Variants in TRMT1L observed in about 807,000 individuals in gnomAD.
TRMT1L encodes tRNA (guanine(27)-N(2))-dimethyltransferase.
TRMT1L carries 28 observed loss-of-function variants against 81.6 expected under a neutral mutation model. The ratio of observed to expected loss-of-function variants is 0.34; its 90% confidence interval spans 0.25 to 0.47. The LOEUF (loss-of-function observed/expected upper bound fraction) is 0.47. Among genes scored for constraint, TRMT1L ranks in the 20% least tolerant of loss-of-function variants. The probability of loss-of-function intolerance (pLI) is 1.00; values close to 1 mark genes in which losing one functional copy is unlikely to be tolerated. For synonymous variants in TRMT1L, 301 were observed against 303.2 expected (o/e 0.99, Z 0.07); for missense variants, 739 against 877.1 (o/e 0.84, Z 1.99).
intron 10 of TRMT1L, among the ~76,000 whole-genome samples, chr1:185,134,955 T>A (rs1305342342): frequency 6.6e-6 from 1 of 152,230 alleles, no homozygotes; most frequent in Admixed American, 6.5e-5. Context: ...TTACATATTC[T>A]AATAACATAG....
chr1:185,131,161 G>A (rs530238529), intron 10 of TRMT1L, among the ~76,000 whole-genome samples: 5 of 151,840 alleles, frequency 3.3e-5, no homozygotes, highest in East Asian at 1.9e-4. Context: ...CACCACGCCC[G>A]GCTAATTTTT....
intron 11 of TRMT1L, 48 bp downstream of exon 11, chr1:185,128,621 T>A (rs1157703010): frequency 1.3e-6 from 2 of 1,533,680 alleles, no homozygotes; most frequent in Non-Finnish European, 1.8e-6. Flanking sequence ...AATTAATAAA[T>A]CAATCAATAC....
chr1:185,148,087 C>T (rs1653236422), intron 3 of TRMT1L, among the ~76,000 whole-genome samples: 2 of 152,140 alleles, frequency 1.3e-5, no homozygotes. Context: ...TGCTGAAGTG[C>T]TCCAAGATTT....
intron 13 of TRMT1L, among the ~76,000 whole-genome samples, chr1:185,121,767 T>C (rs1652505103): frequency 6.6e-6 from 1 of 152,026 alleles, no homozygotes; most frequent in Non-Finnish European, 1.5e-5. Context: ...GGCCTGGTAA[T>C]TTCTTCTTTT....
chr1:185,120,546 A>G (rs1652474215), intron 13 of TRMT1L, 37 bp from the exon 14 acceptor site: 1 of 1,489,946 alleles, frequency 6.7e-7, no homozygotes, highest in Non-Finnish European at 8.9e-7. Flanking sequence ...ATGCTCTTAA[A>G]AATTACAAGC....
intron 13 of TRMT1L, chr1:185,120,750 C>T (rs1274701175): frequency 3.5e-6 from 1 of 282,128 alleles, no homozygotes; most frequent in Admixed American, 5.0e-5. Context: ...TATTTCGTCT[C>T]CTGTAGGAAG....
At chr1:185,128,787 G>T in intron 10 of TRMT1L, 40 bp from the exon 11 acceptor site, 2 of 1,496,324 alleles carry the variant, frequency 1.3e-6, no homozygotes, top group South Asian at 2.3e-5. Context: ...AAGGAGAAAT[G>T]ACTAATACAA....
Position 185,149,534 on chromosome 1 carries a change from C to T in TRMT1L, c.460+845G>A, listed in dbSNP as rs935272235. Among the ~76,000 whole-genome samples the T allele has an allele frequency of 4.0e-5, 6 of 151,838 alleles. No homozygotes were observed. The East Asian group carries it at 1.2e-3, about 29-fold the overall frequency. ...GCTCAGGCTGGTCTTGAACTCATGG[C>T]CTCAAGTGATCTTCCTGCCTCAGCT... is the stretch of plus-strand genomic sequence containing the variant. On this transcript the variant is annotated intron_variant, in intron 3 of 14. Coordinates refer to ENST00000367506, the MANE Select transcript of TRMT1L (RefSeq NM_030934.5).
intron 10 of TRMT1L, among the ~76,000 whole-genome samples, chr1:185,130,301 A>T (rs764509105): frequency 1.3e-5 from 2 of 152,242 alleles, no homozygotes; most frequent in Non-Finnish European, 2.9e-5. Context: ...TAAATGCAAC[A>T]GATTAAACAT....
At chr1:185,120,298 T>A in intron 14 of TRMT1L, 27 bp from the exon 15 acceptor site, 1 of 1,504,352 alleles carries the variant, frequency 6.6e-7, no homozygotes. Flanking sequence ...AAAGAAAAAA[T>A]AATCAGGTTC....
intron 2 of TRMT1L, among the ~76,000 whole-genome samples, chr1:185,151,613 A>T (rs1257012247): frequency 6.6e-6 from 1 of 152,204 alleles, no homozygotes; most frequent in Non-Finnish European, 1.5e-5. Flanking sequence ...CCGTGAAATT[A>T]TAATTTTCTT....
At chr1:185,125,714 T>C (rs1311674640) in intron 11 of TRMT1L, among the ~76,000 whole-genome samples, 1 of 152,218 alleles carries the variant, frequency 6.6e-6, no homozygotes, top group Non-Finnish European at 1.5e-5. Context: ...AATAATTTAT[T>C]GAACTCTCAT....
At chr1:185,135,578 C>T (rs115718875) in intron 10 of TRMT1L, among the ~76,000 whole-genome samples, 58 of 152,044 alleles carry the variant, frequency 3.8e-4, no homozygotes, top group Non-Finnish European at 6.3e-4. Context: ...TTAGACAACA[C>T]TTAGCTCAAC....
rs963612849 is a variant in TRMT1L at position 185,130,502 on chromosome 1, A to G, written c.1514-1755T>C. Among the ~76,000 whole-genome samples, 6 of 152,226 alleles carry G rather than the reference A, an allele frequency of 3.9e-5. No individual in the cohort carries two copies. In the South Asian group the frequency reaches 1.0e-3, roughly 26 times the overall value. ...AATCTAAAGCATAAGCCTGAAATGG[A>G]TAGATGGGCAACCAACAAAACAGAA... On this transcript the variant is annotated intron_variant, in intron 10 of 14. Transcript: ENST00000367506.
chr1:185,124,874 T>C, intron 12 of TRMT1L, 70 bp downstream of exon 12: 1 of 1,390,576 alleles, frequency 7.2e-7, no homozygotes, highest in Non-Finnish European at 9.8e-7. Context: ...TAACATCAAA[T>C]ACAATTGAAA....
At position 185,154,641 on chromosome 1, in the gene TRMT1L, C is replaced by T. The variant is rs183894951; in HGVS notation, c.235+1837G>A. On this transcript the variant is annotated intron_variant, in intron 1 of 14. Transcript: ENST00000367506. ...TAAAGACGTGCCTATTGAAATTATT[C>T]TATTAAATAGCACAAAATAAGAGAA... Among the ~76,000 whole-genome samples, 429 of 152,264 alleles carry T rather than the reference C, an allele frequency of 2.8e-3. 1 individual carries two copies. The highest frequency in any genetic ancestry group is 4.3e-3 in the Non-Finnish European group (295 of 68,012).
Position 185,141,257 on chromosome 1 carries a change from G to C in TRMT1L, c.860-1035C>G, listed in dbSNP as rs906624725. Among the ~76,000 whole-genome samples, 6 of 152,266 alleles carry C rather than the reference G, an allele frequency of 3.9e-5. No homozygotes were observed. In the South Asian group the frequency reaches 1.2e-3, roughly 32 times the overall value. On this transcript the variant is annotated intron_variant, in intron 7 of 14. Coordinates refer to ENST00000367506, the MANE Select transcript of TRMT1L (RefSeq NM_030934.5). ...ATACGCATTTTTCATATTTTCACAA[G>C]CTTGTGAGGTAAGTTCTGACATCCT...
chr1:185,131,547 A>G (rs1309031333), intron 10 of TRMT1L, among the ~76,000 whole-genome samples: 1 of 152,108 alleles, frequency 6.6e-6, no homozygotes, highest in Admixed American at 6.5e-5. Flanking sequence ...CCCTGAAACA[A>G]TATGACACTA....
chr1:185,147,492 C>T (rs530755571), intron 3 of TRMT1L, among the ~76,000 whole-genome samples: 8 of 152,060 alleles, frequency 5.3e-5, no homozygotes, highest in Admixed American at 1.3e-4. Context: ...ATTCTAGTTC[C>T]GCCATGACTA....
Sources: allele counts gnomAD v4.1 joint callset (sites outside exome capture counted in the v4.1 genomes callset), GRCh38; gene constraint gnomAD v4.1.1; transcripts MANE v1.5; gene names NCBI Gene and HGNC (gene_info 2026-07-23, HGNC 2026-07-21).